Variants in PRELP observed in about 807,000 individuals in gnomAD.
PRELP encodes prolargin.
In PRELP, 16 loss-of-function variants were observed where a neutral mutation model predicts 22.8. The ratio of observed to expected loss-of-function variants is 0.70; its 90% CI spans 0.47 to 1.06. The LOEUF (loss-of-function observed/expected upper bound fraction) is 1.06. PRELP is among the 50% of genes least tolerant of loss of function. The pLI is 0.00. For synonymous variants in PRELP, 233 were observed against 211.4 expected, an observed-to-expected ratio of 1.10 and a Z score of -0.89; for missense variants, 434 against 485.2, an observed-to-expected ratio of 0.89 and a Z score of 0.99.
chr1:203,486,790 G>A lies in PRELP; in HGVS notation c.1058G>A (p.Arg353His), dbSNP rs1181590892. The change falls in exon 3 of 3, where the codon CGC becomes CAC. Residue 353 changes from arginine to histidine, a missense_variant. Arg to His is a conservative substitution (Grantham distance 29). Coordinates refer to ENST00000343110, the MANE Select transcript of PRELP (RefSeq NM_002725.4). ...GACCTGGAGAACGTGCCACACCTGC[G>A]CTACCTGCGGCTGGATGGAAACTAC... is the stretch of plus-strand genomic sequence containing the variant. ...SSDLENVPHL[R>H]YLRLDGNYLK... 1 of 1,614,102 alleles carries A rather than the reference G, an allele frequency of 6.2e-7. No homozygotes were observed. Among genetic ancestry groups the A allele is most frequent in the Admixed American group, 1.7e-5 (1 of 60,014 alleles).
chr1:203,482,479 T>C (rs1661019857), intron 1 of PRELP, among the ~76,000 whole-genome samples: 2 of 151,566 alleles, frequency 1.3e-5, no homozygotes, highest in Admixed American at 1.3e-4. Context: ...GGTTTCTCCA[T>C]GTTGGTCAGG....
intron 1 of PRELP, among the ~76,000 whole-genome samples, chr1:203,478,134 A>G (rs1226452283): frequency 6.6e-6 from 1 of 152,174 alleles, no homozygotes; most frequent in Non-Finnish European, 1.5e-5. Flanking sequence ...AACTCATTTA[A>G]CCCTCAAAAC....
In PRELP at chr1:203,490,341, G is replaced by A. The variant is rs1302662907; in HGVS notation, c.*3460G>A. The A allele has an allele frequency of 1.3e-5, 2 of 152,052 alleles. No individual in the cohort carries two copies. Among genetic ancestry groups the A allele is most frequent in the African/African-American group, 2.4e-5 (1 of 41,400 alleles). The allele number at this position is 152,052 out of a possible 1,614,324, so 9.4% of individuals were successfully genotyped here. ...AATTAATCCTCAGTTCCACGAGACT[G>A]CCCACCCACAGACAAAAAAATATAT... On this transcript the variant is annotated 3_prime_UTR_variant, in exon 3 of 3. Coordinates refer to ENST00000343110, the MANE Select transcript of PRELP (RefSeq NM_002725.4).
Position 203,486,833 on chromosome 1 carries a change from G to C in PRELP, c.1101G>C (p.Pro367=), listed in dbSNP as rs139551473. The C allele has an allele frequency of 6.2e-7, 1 of 1,614,116 alleles. No homozygotes were observed. The highest frequency in any genetic ancestry group is 8.5e-7 in the Non-Finnish European group (1 of 1,180,000). ...GAAACTACTTGAAGCCGCCCATCCC[G>C]CTGGACCTCATGATGTGCTTCCGCC... The part of the protein sequence containing the change: ...LDGNYLKPPI[P]LDLMMCFRLL... Residue 367 remains proline (P), a synonymous_variant, in exon 3 of 3, where the codon CCG becomes CCC. Transcript: ENST00000343110.
intron 1 of PRELP, among the ~76,000 whole-genome samples, chr1:203,481,012 A>G (rs866033232): frequency 1.3e-5 from 2 of 150,406 alleles, no homozygotes; most frequent in African/African-American, 2.4e-5. Context: ...AGCCAAGGAA[A>G]CCCCGCCCCG....
chr1:203,482,256 C>T (rs561384300), intron 1 of PRELP, among the ~76,000 whole-genome samples: 53 of 150,956 alleles, frequency 3.5e-4, no homozygotes, highest in African/African-American at 9.5e-4. Context: ...ACTCCTGACT[C>T]GGAGTCCAGT....
In PRELP at chr1:203,485,653, C is replaced by T. The variant is rs138292186; in HGVS notation, c.974-1053C>T. Among the ~76,000 whole-genome samples the T allele has an allele frequency of 4.2e-3, 642 of 152,290 alleles. 2 individuals carry two copies. Among genetic ancestry groups the T allele is most frequent in the Admixed American group, 7.3e-3 (111 of 15,294 alleles). ...ACAGCCCCAAGCTCATAAGAGAAAACCCCCGTGTCAGGGCCCTTCTGCTAC... is the reference window on the plus strand; with the variant it reads ...ACAGCCCCAAGCTCATAAGAGAAAATCCCCGTGTCAGGGCCCTTCTGCTAC... On this transcript the variant is annotated intron_variant, in intron 2 of 2. Coordinates refer to ENST00000343110, the MANE Select transcript of PRELP (RefSeq NM_002725.4).
chr1:203,482,335 T>C (rs1447499632), intron 1 of PRELP, among the ~76,000 whole-genome samples: 1 of 150,668 alleles, frequency 6.6e-6, no homozygotes, highest in Non-Finnish European at 1.5e-5. Flanking sequence ...CTGGAGTGCA[T>C]TGGTGCAATC....
rs769060117 is a variant in PRELP at position 203,479,818 on chromosome 1, A to G, written c.-16-3351A>G. On this transcript the variant is annotated intron_variant, in intron 1 of 2. Coordinates refer to ENST00000343110, the MANE Select transcript of PRELP (RefSeq NM_002725.4). ...CCTCTGCCACTTGCAGAGATTTTGCACTTTATAACATGCCTTCAAATGCAT... is the reference window on the plus strand; with the variant it reads ...CCTCTGCCACTTGCAGAGATTTTGCGCTTTATAACATGCCTTCAAATGCAT... 6.5e-4 allele frequency among the ~76,000 whole-genome samples: 99 copies of G among 151,442 alleles called. 1 individual carries two copies. The highest frequency in any genetic ancestry group is 1.3e-3 in the Non-Finnish European group (90 of 67,920).
chr1:203,480,900 T>C (rs908555195), intron 1 of PRELP, among the ~76,000 whole-genome samples: 4 of 152,222 alleles, frequency 2.6e-5, no homozygotes, highest in Non-Finnish European at 5.9e-5. Context: ...GTGTTTACTG[T>C]GGATGAGAAG....
At chr1:203,479,044 GGCACAGC>G (rs1247817720) in intron 1 of PRELP, among the ~76,000 whole-genome samples, 1 of 152,148 alleles carries the variant, frequency 6.6e-6, no homozygotes, top group Non-Finnish European at 1.5e-5. Context: ...GACATTCACC[GGCACAGC>G]GCTAGGTCAG....
rs3738017 is a variant in PRELP, at chr1:203,476,326, G to A, written c.-17+388G>A. Among the ~76,000 whole-genome samples, 8 of 152,088 alleles carry A rather than the reference G, an allele frequency of 5.3e-5. No homozygotes were observed. The East Asian group carries it at 1.2e-3, about 22-fold the overall frequency. ...ATTGTGGAAGTCACACACATCACACGGAGGCTGCACGTTCACTACCATCAC... is the reference window on the plus strand; with the variant it reads ...ATTGTGGAAGTCACACACATCACACAGAGGCTGCACGTTCACTACCATCAC... On this transcript the variant is annotated intron_variant, in intron 1 of 2. Coordinates refer to ENST00000343110, the MANE Select transcript of PRELP (RefSeq NM_002725.4).
intron 2 of PRELP, among the ~76,000 whole-genome samples, chr1:203,484,782 G>C (rs1169253439): frequency 6.6e-6 from 1 of 152,196 alleles, no homozygotes; most frequent in Non-Finnish European, 1.5e-5. Flanking sequence ...GGAAGAGTTT[G>C]CCTAAGTGAC....
intron 1 of PRELP, among the ~76,000 whole-genome samples, chr1:203,481,453 G>C (rs998211029): frequency 2.6e-5 from 4 of 152,174 alleles, no homozygotes; most frequent in African/African-American, 9.7e-5. Flanking sequence ...TGCAATTAAT[G>C]CCTTCTCTTT....
At chr1:203,479,964 G>C (rs887310627) in intron 1 of PRELP, among the ~76,000 whole-genome samples, 1 of 152,126 alleles carries the variant, frequency 6.6e-6, no homozygotes, top group Non-Finnish European at 1.5e-5. Flanking sequence ...TAGAGGCTGG[G>C]TGCAGTGGCT....
At chr1:203,477,730 A>ATCTGGGTGCAAAAG (rs1553299510) in intron 1 of PRELP, among the ~76,000 whole-genome samples, 7 of 151,840 alleles carry the variant, frequency 4.6e-5, no homozygotes, top group Non-Finnish European at 8.8e-5. Context: ...AGGGGCAAAA[A>ATCTGGGTGCAAAAG]GCTGGGAGAA....
At position 203,484,018 on chromosome 1, in the gene PRELP, G is replaced by A; in HGVS notation, c.834G>A (p.Leu278=). Residue 278 remains leucine, a synonymous_variant, in exon 2 of 3, where the codon CTG becomes CTA. Transcript: ENST00000343110. ...TCATTCGGCTTAACTACAACAAGCTGACAGACAGGGGACTCCCCAAGAACT... is the reference window on the plus strand; with the variant it reads ...TCATTCGGCTTAACTACAACAAGCTAACAGACAGGGGACTCCCCAAGAACT... The part of the protein sequence containing the change: ...LAFIRLNYNK[L]TDRGLPKNSF... 1 of 1,614,210 alleles carries A rather than the reference G, an allele frequency of 6.2e-7. No individual in the cohort carries two copies. The highest frequency in any genetic ancestry group is 8.5e-7 in the Non-Finnish European group (1 of 1,180,038).
Position 203,484,141 on chromosome 1 carries a change from C to A in PRELP, c.957C>A (p.Asn319Lys). The change falls in exon 2 of 3, where the codon AAC (asparagine) becomes AAA (lysine). Residue 319 changes from asparagine to lysine, a missense_variant. Asn to Lys is a moderately conservative substitution (Grantham distance 94). Transcript: ENST00000343110. ...ACAGGCTGGAACACCTGTACCTCAA[C>A]AACAATAGCATCGAGAGTGAGTGGG... ...INNRLEHLYL[N>K]NNSIEKINGT... 7.7e-7 allele frequency: 1 copy of A among 1,291,774 alleles called. No individual in the cohort carries two copies. Among genetic ancestry groups the A allele is most frequent in the African/African-American group, 1.5e-5 (1 of 68,204 alleles). The allele number at this position is 1,291,774 out of a possible 1,614,324, so 80.0% of individuals were successfully genotyped here.
intron 2 of PRELP, 63 bp downstream of exon 2, chr1:203,484,220 C>A: frequency 6.4e-7 from 1 of 1,570,096 alleles, no homozygotes. Context: ...GCACTTCCAC[C>A]CTCTCTAGGG....
Sources: allele counts gnomAD v4.1 joint callset (sites outside exome capture counted in the v4.1 genomes callset), GRCh38; gene constraint gnomAD v4.1.1; transcripts MANE v1.5; gene names NCBI Gene and HGNC (gene_info 2026-07-23, HGNC 2026-07-21).